The following ANO4 variants were observed in gnomAD, a reference collection of about 807,000 sequenced individuals.
The protein encoded by ANO4 is anoctamin 4.
In ANO4, 69 loss-of-function variants were observed where a neutral mutation model predicts 141.9. That is an observed-to-expected ratio of 0.49 (90% CI 0.40 to 0.59). The LOEUF is 0.59. ANO4 is among the 20% of genes least tolerant of loss of function. ANO4 has a pLI of 0.00. For missense variants in ANO4, 894 were observed against 1,162.2 expected (o/e 0.77, Z 3.36); for synonymous variants, 350 against 394.3 (o/e 0.89, Z 1.33).
intron 7 of ANO4, among the ~76,000 whole-genome samples, chr12:100,980,121 C>T (rs533366458): frequency 1.4e-4 from 22 of 152,178 alleles, no homozygotes; most frequent in Non-Finnish European, 2.1e-4. Flanking sequence ...CTACTTCTAG[C>T]GCACACATCA....
chr12:101,074,997 G>T (rs2048965703), intron 14 of ANO4, among the ~76,000 whole-genome samples: 2 of 152,100 alleles, frequency 1.3e-5, no homozygotes, highest in African/African-American at 4.8e-5. Context: ...TATGATCTGG[G>T]TTTGGGTTTT....
intron 1 of ANO4, among the ~76,000 whole-genome samples, chr12:100,853,684 AC>A: frequency 6.6e-6 from 1 of 152,158 alleles, no homozygotes; most frequent in Non-Finnish European, 1.5e-5. Flanking sequence ...TTTAGAAATT[AC>A]AGCATACTTC....
chr12:100,964,060 C>G (rs1163505788), intron 5 of ANO4, among the ~76,000 whole-genome samples: 1 of 152,096 alleles, frequency 6.6e-6, no homozygotes, highest in African/African-American at 2.4e-5. Flanking sequence ...TTACTACTGG[C>G]CTTACATTAA....
intron 1 of ANO4, among the ~76,000 whole-genome samples, chr12:100,847,558 G>A (rs980786745): frequency 1.4e-4 from 21 of 149,334 alleles, no homozygotes; most frequent in Admixed American, 2.0e-4. Flanking sequence ...TGCAAGCTCC[G>A]CCTCCCGGGT....
At chr12:100,835,305 G>A (rs989618357) in intron 1 of ANO4, among the ~76,000 whole-genome samples, 3 of 152,044 alleles carry the variant, frequency 2.0e-5, no homozygotes, top group Admixed American at 1.3e-4. Context: ...CATTTTGAGT[G>A]GTTGAATTAC....
intron 1 of ANO4, among the ~76,000 whole-genome samples, chr12:100,846,235 G>A (rs1032691920): frequency 2.6e-5 from 4 of 152,116 alleles, no homozygotes; most frequent in African/African-American, 2.4e-5. Flanking sequence ...GATCATCCTA[G>A]TATATAAAAA....
intron 1 of ANO4, among the ~76,000 whole-genome samples, chr12:100,819,573 A>C (rs2135731035): frequency 6.6e-6 from 1 of 152,012 alleles, no homozygotes; most frequent in Non-Finnish European, 1.5e-5. Flanking sequence ...TATAATTCTA[A>C]ATTATTTTGG....
intron 1 of ANO4, among the ~76,000 whole-genome samples, chr12:100,830,297 C>A (rs1048785049): frequency 6.6e-6 from 1 of 152,004 alleles, no homozygotes; most frequent in African/African-American, 2.4e-5. Context: ...TCTTTCTCTT[C>A]TTTCTTTTCT....
intron 9 of ANO4, 126 bp downstream of exon 9, chr12:101,020,266 C>T (rs2046468409): frequency 1.6e-6 from 1 of 635,468 alleles, no homozygotes; most frequent in Non-Finnish European, 2.7e-6. Flanking sequence ...CTAACTAATC[C>T]TTTGATGAAT....
intron 7 of ANO4, among the ~76,000 whole-genome samples, chr12:100,975,683 C>T (rs1024863110): frequency 1.9e-4 from 29 of 151,838 alleles, no homozygotes; most frequent in South Asian, 2.1e-4. Flanking sequence ...TCAGGCGATC[C>T]GCCCACCTCG....
intron 3 of ANO4, among the ~76,000 whole-genome samples, chr12:100,749,408 A>T (rs2032265372): frequency 6.6e-6 from 1 of 152,264 alleles, no homozygotes; most frequent in Non-Finnish European, 1.5e-5. Flanking sequence ...TGACAAGAGC[A>T]TTGGCTAAGA....
intron 1 of ANO4, among the ~76,000 whole-genome samples, chr12:100,887,240 T>G (rs888909021): frequency 6.6e-6 from 1 of 152,204 alleles, no homozygotes; most frequent in African/African-American, 2.4e-5. Context: ...GAAATAATAT[T>G]CCTAAGCCAT....
chr12:100,832,386 G>A (rs1403592664), intron 1 of ANO4, among the ~76,000 whole-genome samples: 2 of 151,942 alleles, frequency 1.3e-5, no homozygotes, highest in Non-Finnish European at 2.9e-5. Flanking sequence ...GTGAGTTGAC[G>A]AAAAAGCAAA....
At chr12:100,796,765 G>T (rs1428494059) in intron 1 of ANO4, among the ~76,000 whole-genome samples, 1 of 152,144 alleles carries the variant, frequency 6.6e-6, no homozygotes, top group Non-Finnish European at 1.5e-5. Flanking sequence ...AGACTGCTCT[G>T]CTTCCTCTTT....
At chr12:101,091,958 A>T (rs1224109843) in intron 17 of ANO4, among the ~76,000 whole-genome samples, 1 of 152,114 alleles carries the variant, frequency 6.6e-6, no homozygotes, top group Non-Finnish European at 1.5e-5. Flanking sequence ...TTCACATTTT[A>T]TTCCGTGTCT....
At chr12:100,739,211 T>G (rs2135465409) in intron 2 of ANO4, among the ~76,000 whole-genome samples, 1 of 151,540 alleles carries the variant, frequency 6.6e-6, no homozygotes, top group South Asian at 2.1e-4. Flanking sequence ...AAACTTATTT[T>G]CTGTTATTTC....
chr12:100,949,870 A>C (rs2042898599), intron 5 of ANO4, among the ~76,000 whole-genome samples: 1 of 152,178 alleles, frequency 6.6e-6, no homozygotes, highest in Admixed American at 6.5e-5. Context: ...AACAATAGTA[A>C]CAACAACAAC....
chr12:100,965,516 GA>G (rs2043614795), intron 5 of ANO4, among the ~76,000 whole-genome samples: 1 of 152,046 alleles, frequency 6.6e-6, no homozygotes, highest in African/African-American at 2.4e-5. Context: ...ATTGGCCTTG[GA>G]AAATAAATCC....
At chr12:100,749,388 A>G (rs1372868933) in intron 3 of ANO4, among the ~76,000 whole-genome samples, 3 of 152,224 alleles carry the variant, frequency 2.0e-5, no homozygotes, top group Non-Finnish European at 1.5e-5. Flanking sequence ...ATCATTGGAA[A>G]TGTTCATTTT....
Sources: gnomAD v4.1 joint callset for allele counts (sites outside exome capture counted in the v4.1 genomes callset) on GRCh38, gnomAD v4.1.1 for gene constraint, MANE v1.5 for transcripts, NCBI Gene and HGNC (gene_info 2026-07-23, HGNC 2026-07-21) for gene names.